The following HSDL1 variants were observed in gnomAD, a reference collection of about 807,000 sequenced individuals.
HSDL1 encodes the protein hydroxysteroid dehydrogenase like 1.
In HSDL1, 29 loss-of-function variants were observed where a neutral mutation model predicts 31.5. The observed-to-expected ratio is 0.92, with a 90% confidence interval of 0.69 to 1.26. The LOEUF is 1.26. Ranked by LOEUF, HSDL1 falls within the 50% of genes most tolerant of loss-of-function variation. The probability of loss-of-function intolerance (pLI) is 0.00; values close to 1 mark genes in which losing one functional copy is unlikely to be tolerated. For missense variants in HSDL1, 503 were observed against 416.6 expected (o/e 1.21, Z -1.81); for synonymous variants, 222 against 155.2 (o/e 1.43, Z -3.20).
At chr16:84,141,469 A>G (rs1301157387) in intron 1 of HSDL1, among the ~76,000 whole-genome samples, 1 of 152,364 alleles carries the variant, frequency 6.6e-6, no homozygotes, top group African/African-American at 2.4e-5. Context: ...ATTTACAGTT[A>G]GGAACAGTGC....
At chr16:84,144,275 C>G (rs1020506544) in intron 1 of HSDL1, 13 of 152,220 alleles carry the variant, frequency 8.5e-5, no homozygotes, top group Non-Finnish European at 1.8e-4. Context: ...GACCCCACAA[C>G]TCAGAAAGGG....
chr16:84,140,428 C>A (rs1198468817), intron 1 of HSDL1, among the ~76,000 whole-genome samples: 1 of 152,018 alleles, frequency 6.6e-6, no homozygotes, highest in East Asian at 1.9e-4. Context: ...CCATGCCCAG[C>A]TAATTTTTGT....
At chr16:84,137,496 A>G (rs1042881919) in intron 1 of HSDL1, among the ~76,000 whole-genome samples, 5 of 152,248 alleles carry the variant, frequency 3.3e-5, no homozygotes, top group African/African-American at 4.8e-5. Flanking sequence ...CTTGTTTAGG[A>G]AGGTAACGCA....
intron 5 of HSDL1, among the ~76,000 whole-genome samples, chr16:84,126,931 A>G (rs2086613444): frequency 6.6e-6 from 1 of 152,364 alleles, no homozygotes; most frequent in East Asian, 1.9e-4. Context: ...TTATACAGAA[A>G]ACTACTCCAG....
chr16:84,134,484 A>G (rs1378027828), intron 2 of HSDL1, among the ~76,000 whole-genome samples: 1 of 152,026 alleles, frequency 6.6e-6, no homozygotes, highest in Non-Finnish European at 1.5e-5. Context: ...TTAGCCGGGT[A>G]TGGTGGTGAC....
At chr16:84,144,096 T>TCCC (rs2086807279) in intron 1 of HSDL1, among the ~76,000 whole-genome samples, 1 of 139,236 alleles carries the variant, frequency 7.2e-6, no homozygotes, top group Non-Finnish European at 1.5e-5. Flanking sequence ...CTCTCTCTCC[T>TCCC]GTGGCGGTCA....
intron 5 of HSDL1, among the ~76,000 whole-genome samples, chr16:84,127,034 G>A (rs1249303831): frequency 6.6e-6 from 1 of 152,058 alleles, no homozygotes; most frequent in East Asian, 1.9e-4. Context: ...TGAGTAAACT[G>A]TTCGTGTTTT....
In HSDL1 at chr16:84,124,582, A is replaced by G; in HGVS notation, c.*48T>C. The G allele has an allele frequency of 9.2e-7, 1 of 1,087,174 alleles. No homozygotes were observed. The highest frequency in any genetic ancestry group is 1.4e-6 in the Non-Finnish European group (1 of 701,060). 67.3% of individuals were successfully genotyped at this position (1,087,174 alleles called of 1,614,324 possible). ...AATGTGTTTTTCCAAATGTCAGAAT[A>G]TCGAGGTTCCCAGGAGTTGGCAAAA... is the stretch of plus-strand genomic sequence containing the variant. On this transcript the variant is annotated 3_prime_UTR_variant, in exon 6 of 6. Transcript: ENST00000219439.
At chr16:84,142,908 A>G (rs1267484396) in intron 1 of HSDL1, among the ~76,000 whole-genome samples, 2 of 152,232 alleles carry the variant, frequency 1.3e-5, no homozygotes, top group African/African-American at 4.8e-5. Flanking sequence ...TGGTGTATCA[A>G]GACTTTTTGG....
chr16:84,124,695 A>G lies in HSDL1; in HGVS notation c.928T>C (p.Trp310Arg). The change falls in exon 6 of 6, where the codon TGG (tryptophan) becomes CGG (arginine). Residue 310 changes from tryptophan (W) to arginine (R), a missense_variant. Trp to Arg is a moderately radical substitution (Grantham distance 101, BLOSUM62 -3). Transcript: ENST00000219439. ...TTGAGAATATTTGCTCCCCACACCC[A>G]GAGCCATTCAGGCATATACTGTGCA... ...LFAQYMPEWL[W>R]VWGANILNRS... 1 of 1,613,844 alleles carries G rather than the reference A, an allele frequency of 6.2e-7. No homozygotes were observed. Among genetic ancestry groups the G allele is most frequent in the Non-Finnish European group, 8.5e-7 (1 of 1,179,696 alleles).
chr16:84,136,876 T>G lies in HSDL1; in HGVS notation c.-68-1271A>C, dbSNP rs191655518. On this transcript the variant is annotated intron_variant, in intron 1 of 5. Transcript: ENST00000219439. Reference sequence around the variant, plus strand: ...GATAGAAACCCAAGTTCTTCATTCCTTAGAGGCAGCTCAAGACAAAGAAAT... The same window carrying G: ...GATAGAAACCCAAGTTCTTCATTCCGTAGAGGCAGCTCAAGACAAAGAAAT... Among the ~76,000 whole-genome samples the G allele has an allele frequency of 3.3e-5, 5 of 152,314 alleles. No homozygotes were observed. In the East Asian group the frequency reaches 9.7e-4, roughly 29 times the overall value.
At position 84,131,343 on chromosome 16, in the gene HSDL1, AAGAG is replaced by A; in HGVS notation, c.-6-20_-6-17del. 1.9e-6 allele frequency: 3 copies of A among 1,539,306 alleles called. No homozygotes were observed. The highest frequency in any genetic ancestry group is 1.4e-5 in the African/African-American group (1 of 73,446). ...CCATGGCAACCTGCAGGGAGAGGGA[AAGAG>A]AGAGAGCCTCTTTGATTAATAAATT... is the stretch of plus-strand genomic sequence containing the variant. On this transcript the variant is annotated splice_polypyrimidine_tract_variant and intron_variant, in intron 2 of 5. Transcript: ENST00000219439.
At chr16:84,135,829 G>A (rs941322595) in intron 1 of HSDL1, among the ~76,000 whole-genome samples, 2 of 152,220 alleles carry the variant, frequency 1.3e-5, no homozygotes, top group Non-Finnish European at 2.9e-5. Flanking sequence ...CAGTCCATGC[G>A]TCCTCAGGCA....
chr16:84,136,477 G>A (rs1233442646), intron 1 of HSDL1, among the ~76,000 whole-genome samples: 1 of 152,250 alleles, frequency 6.6e-6, no homozygotes, highest in Non-Finnish European at 1.5e-5. Context: ...GTCTCTGGCT[G>A]CAGCTCACAG....
intron 2 of HSDL1, among the ~76,000 whole-genome samples, chr16:84,133,926 A>G (rs1306510856): frequency 6.6e-6 from 1 of 152,164 alleles, no homozygotes; most frequent in Non-Finnish European, 1.5e-5. Context: ...AAACAACTAA[A>G]ATAAATGCTC....
At chr16:84,141,271 T>C (rs997972521) in intron 1 of HSDL1, among the ~76,000 whole-genome samples, 2 of 152,112 alleles carry the variant, frequency 1.3e-5, no homozygotes, top group African/African-American at 4.8e-5. Context: ...ATCTCACGGT[T>C]CAGATGCACT....
intron 1 of HSDL1, among the ~76,000 whole-genome samples, chr16:84,142,075 T>C (rs1230619927): frequency 6.6e-6 from 1 of 152,032 alleles, no homozygotes; most frequent in South Asian, 2.1e-4. Flanking sequence ...CACAGGCATG[T>C]ACCACCAAGC....
chr16:84,125,923 GAAA>G (rs2086601992), intron 5 of HSDL1, among the ~76,000 whole-genome samples: 1 of 152,160 alleles, frequency 6.6e-6, no homozygotes, highest in Admixed American at 6.5e-5. Context: ...CTAACAGGGT[GAAA>G]CCCCATCTCT....
intron 3 of HSDL1, 185 bp downstream of exon 3, chr16:84,130,917 G>A (rs527514877): frequency 4.4e-5 from 26 of 597,044 alleles, no homozygotes; most frequent in Middle Eastern, 8.9e-4. Flanking sequence ...TACCAATCAT[G>A]AGGCCAGTTC....
Sources: gnomAD v4.1 joint callset for allele counts (sites outside exome capture counted in the v4.1 genomes callset) on GRCh38, gnomAD v4.1.1 for gene constraint, MANE v1.5 for transcripts, NCBI Gene and HGNC (gene_info 2026-07-23, HGNC 2026-07-21) for gene names.